The following SKAP1 variants were observed in gnomAD, a reference collection of about 807,000 sequenced individuals.
SKAP1 encodes src kinase-associated phosphoprotein 1.
In SKAP1, 44 loss-of-function variants were observed where a neutral mutation model predicts 58.5. The ratio of observed to expected loss-of-function variants is 0.75; its 90% confidence interval spans 0.59 to 0.97. The LOEUF (loss-of-function observed/expected upper bound fraction) is 0.97. Among genes scored for constraint, SKAP1 ranks in the 50% least tolerant of loss-of-function variants. SKAP1 has a pLI of 0.00. For synonymous variants in SKAP1, 127 were observed against 149.7 expected, an observed-to-expected ratio of 0.85 and a Z score of 1.11; for missense variants, 390 against 435.2, an observed-to-expected ratio of 0.90 and a Z score of 0.92.
chr17:48,207,485 CAAA>C (rs11367185), intron 4 of SKAP1, among the ~76,000 whole-genome samples: 14 of 103,764 alleles, frequency 1.3e-4, no homozygotes, highest in Admixed American at 1.9e-4. Context: ...GACTCTGTCT[CAAA>C]AAAAAAAAAA....
chr17:48,306,252 C>T (rs2066140889), intron 4 of SKAP1, among the ~76,000 whole-genome samples: 1 of 152,200 alleles, frequency 6.6e-6, no homozygotes, highest in Non-Finnish European at 1.5e-5. Context: ...CCCAGTATAA[C>T]ATATCCCATT....
At chr17:48,195,386 C>T (rs957290166) in intron 4 of SKAP1, among the ~76,000 whole-genome samples, 17 of 152,126 alleles carry the variant, frequency 1.1e-4, no homozygotes, top group Admixed American at 2.0e-4. Context: ...CTTTAACTTC[C>T]GTGGTTCCAT....
At chr17:48,359,303 T>G (rs1187111002) in intron 3 of SKAP1, among the ~76,000 whole-genome samples, 1 of 152,168 alleles carries the variant, frequency 6.6e-6, no homozygotes, top group Admixed American at 6.6e-5. Context: ...CATTATATAT[T>G]TAAATATCAT....
At chr17:48,320,530 A>C (rs1881931184) in intron 4 of SKAP1, among the ~76,000 whole-genome samples, 1 of 152,220 alleles carries the variant, frequency 6.6e-6, no homozygotes, top group African/African-American at 2.4e-5. Context: ...CTGCAATATA[A>C]AAAAGAAAGT....
intron 4 of SKAP1, among the ~76,000 whole-genome samples, chr17:48,250,322 C>T (rs1174566726): frequency 8.0e-6 from 1 of 125,250 alleles, no homozygotes; most frequent in Non-Finnish European, 1.6e-5. Flanking sequence ...CACTCTGTCG[C>T]CCAGGCTGGA....
intron 4 of SKAP1, among the ~76,000 whole-genome samples, chr17:48,230,705 C>A (rs1269656139): frequency 6.6e-6 from 1 of 152,036 alleles, no homozygotes; most frequent in Non-Finnish European, 1.5e-5. Context: ...TACGGTGAGC[C>A]ACGATCATGC....
chr17:48,337,339 T>C (rs1179288351), intron 4 of SKAP1, among the ~76,000 whole-genome samples: 1 of 152,222 alleles, frequency 6.6e-6, no homozygotes, highest in Non-Finnish European at 1.5e-5. Flanking sequence ...TAACCTTTCT[T>C]TTTTACTTGA....
At chr17:48,164,377 A>T (rs2064108447) in intron 10 of SKAP1, among the ~76,000 whole-genome samples, 1 of 152,224 alleles carries the variant, frequency 6.6e-6, no homozygotes, top group South Asian at 2.1e-4. Flanking sequence ...TGGTAAGGAG[A>T]CTAACAAGGT....
intron 11 of SKAP1, among the ~76,000 whole-genome samples, chr17:48,147,456 T>C (rs2063845467): frequency 6.6e-6 from 1 of 152,196 alleles, no homozygotes; most frequent in Non-Finnish European, 1.5e-5. Context: ...GGATATATAA[T>C]GCTTTCTTAG....
intron 4 of SKAP1, among the ~76,000 whole-genome samples, chr17:48,238,902 A>C (rs1270388080): frequency 3.3e-5 from 5 of 152,220 alleles, no homozygotes; most frequent in African/African-American, 1.2e-4. Context: ...CAGAAAGACC[A>C]AAATAATGGT....
intron 4 of SKAP1, among the ~76,000 whole-genome samples, chr17:48,326,710 C>G (rs2066441394): frequency 6.6e-6 from 1 of 152,080 alleles, no homozygotes; most frequent in African/African-American, 2.4e-5. Context: ...ATAATCCCCC[C>G]ACTGGTTTTT....
chr17:48,207,989 T>C (rs146788715), intron 4 of SKAP1, among the ~76,000 whole-genome samples: 10 of 152,288 alleles, frequency 6.6e-5, no homozygotes, highest in South Asian at 2.1e-4. Flanking sequence ...ATTTATAGGG[T>C]TGGAAAAGTA....
At chr17:48,389,511 T>G (rs369175381) in intron 2 of SKAP1, among the ~76,000 whole-genome samples, 1 of 152,234 alleles carries the variant, frequency 6.6e-6, no homozygotes, top group East Asian at 1.9e-4. Context: ...AATGACATCT[T>G]GTGTAAATCA....
intron 4 of SKAP1, among the ~76,000 whole-genome samples, chr17:48,330,632 AT>A (rs1208926957): frequency 6.6e-6 from 1 of 152,256 alleles, no homozygotes; most frequent in Non-Finnish European, 1.5e-5. Context: ...GCAAATAAGA[AT>A]TGTGTCCCTC....
chr17:48,302,767 G>A (rs530962606), intron 4 of SKAP1, among the ~76,000 whole-genome samples: 82 of 152,274 alleles, frequency 5.4e-4, no homozygotes, highest in Non-Finnish European at 1.0e-3. Context: ...TCACTATTTG[G>A]TTCAACAGTT....
chr17:48,151,431 C>T (rs912076481), intron 11 of SKAP1, among the ~76,000 whole-genome samples: 6 of 152,140 alleles, frequency 3.9e-5, no homozygotes, highest in African/African-American at 1.2e-4. Context: ...GCAGGATTGT[C>T]GTCGCTGTTT....
intron 2 of SKAP1, among the ~76,000 whole-genome samples, chr17:48,391,932 T>C (rs928709510): frequency 6.6e-6 from 1 of 152,180 alleles, no homozygotes; most frequent in Non-Finnish European, 1.5e-5. Context: ...GTTCTTTTGA[T>C]AAGCATACTT....
At chr17:48,157,172 C>T (rs1401662853) in intron 11 of SKAP1, among the ~76,000 whole-genome samples, 1 of 151,794 alleles carries the variant, frequency 6.6e-6, no homozygotes, top group Non-Finnish European at 1.5e-5. Flanking sequence ...CCGTCTGTTA[C>T]AGGCACTTAC....
At chr17:48,352,704 T>G (rs2066817608) in intron 3 of SKAP1, among the ~76,000 whole-genome samples, 1 of 152,156 alleles carries the variant, frequency 6.6e-6, no homozygotes, top group Admixed American at 6.5e-5. Flanking sequence ...CATTTAATCC[T>G]CAAAACAATC....
Sources: allele counts gnomAD v4.1 joint callset (sites outside exome capture counted in the v4.1 genomes callset), GRCh38; gene constraint gnomAD v4.1.1; transcripts MANE v1.5; gene names NCBI Gene and HGNC (gene_info 2026-07-23, HGNC 2026-07-21).